The following ARHGAP5 variants were observed in gnomAD, a reference collection of about 807,000 sequenced individuals.
ARHGAP5 encodes the protein rho GTPase-activating protein 5.
ARHGAP5 carries 23 observed loss-of-function variants against 116.6 expected under a neutral mutation model. That is an observed-to-expected ratio of 0.20 (90% confidence interval 0.14 to 0.28). ARHGAP5 has a LOEUF of 0.28. Ranked by LOEUF, ARHGAP5 falls within the 10% of genes least tolerant of loss-of-function variation. The probability of loss-of-function intolerance (pLI) is 1.00; values close to 1 mark genes in which losing one functional copy is unlikely to be tolerated. For missense variants in ARHGAP5, 1,405 were observed against 1,774.8 expected, an observed-to-expected ratio of 0.79 and a Z score of 3.74; for synonymous variants, 574 against 602.0, an observed-to-expected ratio of 0.95 and a Z score of 0.68.
chr14:32,099,038 G>C (rs1471387580), intron 2 of ARHGAP5, among the ~76,000 whole-genome samples: 2 of 152,204 alleles, frequency 1.3e-5, no homozygotes, highest in African/African-American at 4.8e-5. Context: ...GCTGGAGTTG[G>C]GAGGGAGAGT....
intron 6 of ARHGAP5, chr14:32,154,394 C>T: frequency 4.5e-6 from 2 of 446,218 alleles, no homozygotes; most frequent in South Asian, 5.6e-5. Context: ...GGTGATCCGC[C>T]TGCCTCAGCC....
intron 3 of ARHGAP5, among the ~76,000 whole-genome samples, chr14:32,118,326 A>C (rs968870080): frequency 6.6e-6 from 1 of 151,968 alleles, no homozygotes; most frequent in Non-Finnish European, 1.5e-5. Context: ...GTGAAACCCT[A>C]TCTCTACTAA....
chr14:32,092,621 C>T lies in ARHGAP5; in HGVS notation c.1952C>T (p.Ala651Val). Reference sequence around the variant, plus strand: ...TACTTTTTGAGTCAGTTATGGACTGCCGCCTTTAAACCACATGGGTGCTTC... The same window carrying T: ...TACTTTTTGAGTCAGTTATGGACTGTCGCCTTTAAACCACATGGGTGCTTC... Reference protein sequence around the residue: ...SPYFLSQLWTAAFKPHGCFCV... With the variant: ...SPYFLSQLWTVAFKPHGCFCV... Residue 651 changes from alanine to valine, a missense_variant, in exon 2 of 7, where the codon GCC becomes GTC. Coordinates refer to ENST00000345122, the MANE Select transcript of ARHGAP5 (RefSeq NM_001030055.2). The surrounding 1 kb of genome is among the most constrained non-coding windows in gnomAD (Gnocchi z 4.1). 2 of 1,613,846 alleles carry T rather than the reference C, an allele frequency of 1.2e-6. No homozygotes were observed. The highest frequency in any genetic ancestry group is 2.2e-5 in the East Asian group (1 of 44,892).
intron 3 of ARHGAP5, among the ~76,000 whole-genome samples, chr14:32,145,955 GT>G (rs541663657): frequency 1.3e-5 from 2 of 151,120 alleles, no homozygotes; most frequent in Admixed American, 6.6e-5. Flanking sequence ...GTTGGTTGGG[GT>G]TTTTTTTTGG....
At position 32,094,176 on chromosome 14, in the gene ARHGAP5, A is replaced by G. The variant is rs1469326542; in HGVS notation, c.3507A>G (p.Arg1169=). ...TLFSKAKSYY[R]RTHSDASDDE... ...TTAGTAAAGCCAAGTCATACTATAG[A>G]AGAACACATTCAGATGCCAGTGATG... Residue 1169 remains arginine, a synonymous_variant, in exon 2 of 7, where the codon AGA becomes AGG. Transcript: ENST00000345122. 4.3e-6 allele frequency: 7 copies of G among 1,612,806 alleles called. No homozygotes were observed. The highest frequency in any genetic ancestry group is 5.9e-6 in the Non-Finnish European group (7 of 1,179,758).
chr14:32,104,651 C>T (rs188533647), intron 2 of ARHGAP5, among the ~76,000 whole-genome samples: 4 of 152,316 alleles, frequency 2.6e-5, no homozygotes, highest in Admixed American at 1.3e-4. Flanking sequence ...ACTGCCTGAT[C>T]ACTTTATATT....
intron 2 of ARHGAP5, among the ~76,000 whole-genome samples, chr14:32,106,360 C>T (rs1253000388): frequency 1.3e-5 from 2 of 152,138 alleles, no homozygotes; most frequent in African/African-American, 2.4e-5. Context: ...ACCTCGTGAT[C>T]CACCCGCCTC....
At chr14:32,083,095 G>A (rs1405065103) in intron 1 of ARHGAP5, among the ~76,000 whole-genome samples, 1 of 152,214 alleles carries the variant, frequency 6.6e-6, no homozygotes, top group Non-Finnish European at 1.5e-5. Flanking sequence ...CTGGAGAGAC[G>A]ACTTTACAAT....
At chr14:32,083,667 A>G (rs2041800601) in intron 1 of ARHGAP5, among the ~76,000 whole-genome samples, 1 of 151,982 alleles carries the variant, frequency 6.6e-6, no homozygotes, top group South Asian at 2.1e-4. Context: ...TAAAGCTTAC[A>G]CCTCTTGTTG....
chr14:32,085,450 C>G (rs889562653), intron 1 of ARHGAP5, among the ~76,000 whole-genome samples: 12 of 152,196 alleles, frequency 7.9e-5, no homozygotes, highest in Admixed American at 3.9e-4. Context: ...AGACCTATCT[C>G]AAAAACAAAC....
At chr14:32,101,994 G>A (rs1878814941) in intron 2 of ARHGAP5, among the ~76,000 whole-genome samples, 1 of 151,670 alleles carries the variant, frequency 6.6e-6, no homozygotes, top group Non-Finnish European at 1.5e-5. Context: ...AAAAAAAAAA[G>A]CTTACTATAG....
chr14:32,152,547 G>A lies in ARHGAP5; in HGVS notation c.4181+19G>A. 7.0e-7 allele frequency: 1 copy of A among 1,422,036 alleles called. No individual in the cohort carries two copies. Among genetic ancestry groups the A allele is most frequent in the Non-Finnish European group, 9.5e-7 (1 of 1,049,450 alleles). The allele number at this position is 1,422,036 out of a possible 1,614,324, so 88.1% of individuals were successfully genotyped here. On this transcript the variant is annotated intron_variant, in intron 6 of 6. Transcript: ENST00000345122. ...TAAACAGGTATTTTTATTTTTTTAGGGTTTTTTGGCAAATAAAATGCACTA... is the reference window on the plus strand; with the variant it reads ...TAAACAGGTATTTTTATTTTTTTAGAGTTTTTTGGCAAATAAAATGCACTA...
chr14:32,144,013 A>G (rs374229688), intron 3 of ARHGAP5, among the ~76,000 whole-genome samples: 1 of 152,204 alleles, frequency 6.6e-6, no homozygotes, highest in East Asian at 1.9e-4. Flanking sequence ...TTATGCCCCC[A>G]GCTGAGAACC....
chr14:32,112,829 C>T (rs1879378572), intron 2 of ARHGAP5, among the ~76,000 whole-genome samples: 1 of 151,898 alleles, frequency 6.6e-6, no homozygotes, highest in Non-Finnish European at 1.5e-5. Context: ...AGAGATGGCG[C>T]CACTGCACTC....
chr14:32,112,249 T>C (rs1441159515), intron 2 of ARHGAP5, among the ~76,000 whole-genome samples: 1 of 152,242 alleles, frequency 6.6e-6, no homozygotes, highest in Non-Finnish European at 1.5e-5. Context: ...TTTTGGTTAC[T>C]GGTGAAGCAT....
At chr14:32,079,099 A>G (rs2041745589) in intron 1 of ARHGAP5, among the ~76,000 whole-genome samples, 1 of 152,230 alleles carries the variant, frequency 6.6e-6, no homozygotes, top group African/African-American at 2.4e-5. Context: ...TTTATGACTA[A>G]ACGCACTGGA....
chr14:32,086,024 T>C (rs1254597705), intron 1 of ARHGAP5, among the ~76,000 whole-genome samples: 1 of 152,190 alleles, frequency 6.6e-6, no homozygotes, highest in African/African-American at 2.4e-5. Flanking sequence ...GCTTTTGATA[T>C]ACTGGTGAAA....
chr14:32,091,944 G>C lies in ARHGAP5; in HGVS notation c.1275G>C (p.Lys425Asn). ...QNHVQHLISE[K>N]RRVEMKEKFK... Reference sequence around the variant, plus strand: ...ATGTACAGCATCTGATATCCGAGAAGAGGAGGGTGGAAATGAAGGAAAAAT... The same window carrying C: ...ATGTACAGCATCTGATATCCGAGAACAGGAGGGTGGAAATGAAGGAAAAAT... Residue 425 changes from lysine to asparagine, a missense_variant, in exon 2 of 7, where the codon AAG becomes AAC. This residue lies in a region of ARHGAP5 where 944 missense variants were observed against 1,095.3 expected (regional missense o/e 0.86). Coordinates refer to ENST00000345122, the MANE Select transcript of ARHGAP5 (RefSeq NM_001030055.2). 2 of 1,613,662 alleles carry C rather than the reference G, an allele frequency of 1.2e-6. No individual in the cohort carries two copies. The highest frequency in any genetic ancestry group is 1.7e-6 in the Non-Finnish European group (2 of 1,179,670).
rs184705818 is a variant in ARHGAP5, at chr14:32,148,657, A to G, written c.3944-1245A>G. Among the ~76,000 whole-genome samples, 392 of 152,320 alleles carry G rather than the reference A, an allele frequency of 2.6e-3. 1 individual carries two copies. Among genetic ancestry groups the G allele is most frequent in the African/African-American group, 8.9e-3 (370 of 41,578 alleles). On this transcript the variant is annotated intron_variant, in intron 4 of 6. Coordinates refer to ENST00000345122, the MANE Select transcript of ARHGAP5 (RefSeq NM_001030055.2). ...GAATATTATGTAAATTGTATAATCT[A>G]AGGAAATATTTCACAGCCATTAAAA...
Sources: allele counts gnomAD v4.1 joint callset (sites outside exome capture counted in the v4.1 genomes callset), GRCh38; gene constraint gnomAD v4.1.1; regional missense constraint gnomAD v4.1.1; non-coding constraint Gnocchi (gnomAD v3.1); transcripts MANE v1.5; gene names NCBI Gene and HGNC (gene_info 2026-07-23, HGNC 2026-07-21).